KCNC2: variants seen among roughly 807,000 people sequenced by gnomAD.
KCNC2 encodes the protein potassium voltage-gated channel subfamily C member 2.
KCNC2 carries 21 observed loss-of-function variants against 44.5 expected under a neutral mutation model. The observed-to-expected ratio is 0.47, with a 90% CI of 0.33 to 0.68. KCNC2 has a LOEUF of 0.68. Among genes scored for constraint, KCNC2 ranks in the 30% least tolerant of loss-of-function variants. The pLI is 0.01. For synonymous variants in KCNC2, 391 were observed against 339.1 expected, an observed-to-expected ratio of 1.15 and a Z score of -1.68; for missense variants, 589 against 826.2, an observed-to-expected ratio of 0.71 and a Z score of 3.52.
At chr12:75,086,674 AAAAAAAAATATAT>A (rs1252634054) in intron 2 of KCNC2, among the ~76,000 whole-genome samples, 484 of 85,298 alleles carry the variant, frequency 5.7e-3, no homozygotes, top group African/African-American at 0.023. Flanking sequence ...AAAAAAAAAA[AAAAAAAAATATAT>A]ATATATATAT....
chr12:75,203,567 G>T (rs1174518345), intron 2 of KCNC2, among the ~76,000 whole-genome samples: 1 of 151,680 alleles, frequency 6.6e-6, no homozygotes, highest in African/African-American at 2.4e-5. Flanking sequence ...ACATCAAAAA[G>T]GCAACATCTT....
At chr12:75,107,537 CCAAT>C (rs1017512489) in intron 2 of KCNC2, among the ~76,000 whole-genome samples, 3 of 152,110 alleles carry the variant, frequency 2.0e-5, no homozygotes, top group Admixed American at 6.5e-5. Flanking sequence ...AATGGTATGA[CCAAT>C]CAGTCTCCTG....
chr12:75,097,359 G>A (rs753760860), intron 2 of KCNC2, among the ~76,000 whole-genome samples: 7 of 152,004 alleles, frequency 4.6e-5, no homozygotes, highest in Non-Finnish European at 1.0e-4. Context: ...AAAACCCATA[G>A]AATGTACAGC....
intron 2 of KCNC2, among the ~76,000 whole-genome samples, chr12:75,132,412 T>C (rs1012552058): frequency 4.6e-5 from 7 of 152,254 alleles, no homozygotes; most frequent in Non-Finnish European, 7.4e-5. Context: ...AAGCATAATA[T>C]AGTGTTAATG....
rs1881077192 is a variant in KCNC2 at position 75,050,694 on chromosome 12, G to T, written c.1311C>A (p.Thr437=). ...GGGGGTACATATCCCCATAACCCAGGGTAGTCATGGTCACTACAGCCCACC... is the reference window on the plus strand; with the variant it reads ...GGGGGTACATATCCCCATAACCCAGTGTAGTCATGGTCACTACAGCCCACC... ...GFWWAVVTMT[T]LGYGDMYPQT... Residue 437 remains threonine, a synonymous_variant, in exon 3 of 5, where the codon ACC becomes ACA. Transcript: ENST00000549446. The T allele has an allele frequency of 1.2e-6, 2 of 1,613,276 alleles. No homozygotes were observed. The highest frequency in any genetic ancestry group is 1.7e-6 in the Non-Finnish European group (2 of 1,179,826).
In KCNC2 at chr12:75,084,290, T is replaced by TAGATAGATGATA. The variant is rs200893949; in HGVS notation, c.688-32974_688-32973insTATCATCTATCT. Among the ~76,000 whole-genome samples the TAGATAGATGATA allele has an allele frequency of 4.6e-3, 573 of 123,662 alleles. 2 individuals are homozygous for TAGATAGATGATA. The highest frequency in any genetic ancestry group is 0.015 in the African/African-American group (428 of 28,100). 81.1% of individuals were successfully genotyped at this position (123,662 alleles called of 152,430 possible). A position where few individuals can be genotyped will look rare whatever the true frequency, so the allele number is the denominator to read the frequency against. ...TAGATTAGATAGATAGATAGATAGA[T>TAGATAGATGATA]GATAGATAGATAGATAGATAGATAG... On this transcript the variant is annotated intron_variant, in intron 2 of 4. Coordinates refer to ENST00000549446, the MANE Select transcript of KCNC2 (RefSeq NM_139137.4).
intron 2 of KCNC2, among the ~76,000 whole-genome samples, chr12:75,086,674 AAAAAAAAATAT>A (rs1565842473): frequency 2.3e-5 from 2 of 85,262 alleles, no homozygotes; most frequent in African/African-American, 1.0e-4. Context: ...AAAAAAAAAA[AAAAAAAAATAT>A]ATATATATAT....
intron 2 of KCNC2, among the ~76,000 whole-genome samples, chr12:75,135,851 C>T (rs1375552867): frequency 1.3e-5 from 2 of 151,922 alleles, no homozygotes; most frequent in Non-Finnish European, 2.9e-5. Flanking sequence ...TGTATAATGT[C>T]ACTCTATGTG....
intron 2 of KCNC2, among the ~76,000 whole-genome samples, chr12:75,107,641 C>T (rs1363383573): frequency 4.1e-5 from 6 of 146,636 alleles, no homozygotes; most frequent in South Asian, 2.2e-4. Flanking sequence ...TGCAAATACT[C>T]GCAAGTAACA....
rs568406281 is a variant in KCNC2, at chr12:75,200,812, C to T, written c.687+6485G>A. Among the ~76,000 whole-genome samples the T allele has an allele frequency of 6.6e-5, 10 of 151,636 alleles. No homozygotes were observed. The South Asian group carries it at 2.1e-3, about 32-fold the overall frequency. On this transcript the variant is annotated intron_variant, in intron 2 of 4. Transcript: ENST00000549446. ...CAGCACACTATTTTCTACGTTTATT[C>T]TAATAGAATGGGTTATGGAAGAGAT...
intron 2 of KCNC2, among the ~76,000 whole-genome samples, chr12:75,151,204 T>G (rs1330622025): frequency 1.3e-5 from 2 of 151,932 alleles, no homozygotes; most frequent in Non-Finnish European, 2.9e-5. Context: ...AAACCCTTTA[T>G]TTGTATGAAA....
At chr12:75,085,931 AG>A (rs1884958158) in intron 2 of KCNC2, among the ~76,000 whole-genome samples, 2 of 152,046 alleles carry the variant, frequency 1.3e-5, no homozygotes, top group Admixed American at 1.3e-4. Context: ...AATATACAAA[AG>A]ACCTGATTTC....
At chr12:75,073,078 T>G (rs1203855654) in intron 2 of KCNC2, among the ~76,000 whole-genome samples, 2 of 152,188 alleles carry the variant, frequency 1.3e-5, no homozygotes, top group Admixed American at 6.5e-5. Flanking sequence ...GCTTCATAAT[T>G]CTGCATGGAT....
chr12:75,081,324 A>C (rs1201985121), intron 2 of KCNC2, among the ~76,000 whole-genome samples: 1 of 151,822 alleles, frequency 6.6e-6, no homozygotes, highest in Non-Finnish European at 1.5e-5. Flanking sequence ...GTATATATCA[A>C]TATGTTCGTA....
intron 2 of KCNC2, among the ~76,000 whole-genome samples, chr12:75,144,355 TTAG>T (rs1889865101): frequency 6.6e-6 from 1 of 152,214 alleles, no homozygotes; most frequent in Non-Finnish European, 1.5e-5. Context: ...AATCAGTGAA[TTAG>T]TAGAGTGTTG....
rs1210094262 is a variant in KCNC2 at position 75,043,020 on chromosome 12, C to G, written c.*85G>C. On this transcript the variant is annotated 3_prime_UTR_variant, in exon 5 of 5. Transcript: ENST00000549446. ...ACTGTATTAATGGAGCCTGGAGTAA[C>G]TCTACATTTAATTATTTCCATTATG... is the stretch of plus-strand genomic sequence containing the variant. 7 of 1,571,022 alleles carry G rather than the reference C, an allele frequency of 4.5e-6. No homozygotes were observed. The highest frequency in any genetic ancestry group is 6.0e-6 in the Non-Finnish European group (7 of 1,159,396).
intron 2 of KCNC2, among the ~76,000 whole-genome samples, chr12:75,134,425 A>G (rs1402075866): frequency 6.6e-6 from 1 of 151,960 alleles, no homozygotes; most frequent in Non-Finnish European, 1.5e-5. Context: ...AACAAAAACA[A>G]TACAGTTCAA....
intron 2 of KCNC2, among the ~76,000 whole-genome samples, chr12:75,145,332 C>G (rs751378969): frequency 6.6e-6 from 1 of 151,964 alleles, no homozygotes; most frequent in Non-Finnish European, 1.5e-5. Context: ...GTTTAAAATG[C>G]CTGGGCCAAA....
intron 2 of KCNC2, among the ~76,000 whole-genome samples, chr12:75,194,749 A>G (rs1428919892): frequency 6.6e-6 from 1 of 152,206 alleles, no homozygotes; most frequent in African/African-American, 2.4e-5. Context: ...AGTTGTAAGG[A>G]AAATGACTAG....
Sources: gnomAD v4.1 joint callset for allele counts (sites outside exome capture counted in the v4.1 genomes callset) on GRCh38, gnomAD v4.1.1 for gene constraint, MANE v1.5 for transcripts, NCBI Gene and HGNC (gene_info 2026-07-23, HGNC 2026-07-21) for gene names.